SYT1: variants seen among roughly 807,000 people sequenced by gnomAD.
SYT1 encodes synaptotagmin-1.
In SYT1, 8 loss-of-function variants were observed where a neutral mutation model predicts 44.8. The observed-to-expected ratio is 0.18, with a 90% CI of 0.10 to 0.32. The LOEUF (loss-of-function observed/expected upper bound fraction) is 0.32. Among genes scored for constraint, SYT1 ranks in the 10% least tolerant of loss-of-function variants. SYT1 has a pLI of 1.00. For synonymous variants in SYT1, 154 were observed against 188.8 expected (o/e 0.82, Z 1.51); for missense variants, 286 against 509.3 (o/e 0.56, Z 4.22).
intron 3 of SYT1, among the ~76,000 whole-genome samples, chr12:79,047,944 C>G (rs1012747676): frequency 1.3e-5 from 2 of 151,792 alleles, no homozygotes; most frequent in African/African-American, 2.4e-5. Flanking sequence ...TATGTTCTCA[C>G]TAAGCAAAGT....
At chr12:79,215,365 AT>A (rs1282232214) in intron 3 of SYT1, among the ~76,000 whole-genome samples, 2 of 152,130 alleles carry the variant, frequency 1.3e-5, no homozygotes, top group African/African-American at 4.8e-5. Flanking sequence ...CACTATGCTA[AT>A]TTTTTTGCAT....
At chr12:79,130,050 C>CT (rs1868706954) in intron 3 of SYT1, among the ~76,000 whole-genome samples, 1 of 151,994 alleles carries the variant, frequency 6.6e-6, no homozygotes, top group African/African-American at 2.4e-5. Flanking sequence ...AGCAAGTAAA[C>CT]TTTTTTCATT....
chr12:79,208,327 G>A (rs553568139), intron 3 of SYT1, among the ~76,000 whole-genome samples: 2 of 152,258 alleles, frequency 1.3e-5, no homozygotes, highest in South Asian at 4.1e-4. Context: ...GTGAATTGAT[G>A]TCTTATTCTC....
At chr12:78,941,577 T>A (rs1301890761) in intron 1 of SYT1, among the ~76,000 whole-genome samples, 1 of 152,218 alleles carries the variant, frequency 6.6e-6, no homozygotes, top group Non-Finnish European at 1.5e-5. Context: ...GGCAGCTATA[T>A]GGAATTGCAT....
chr12:79,046,571 G>T (rs1224831837), intron 2 of SYT1: 1 of 151,934 alleles, frequency 6.6e-6, no homozygotes, highest in Non-Finnish European at 1.5e-5. Context: ...CTCTTGAGAA[G>T]GGTTTAATTT....
chr12:79,429,923 A>G (rs1044207197), intron 9 of SYT1, among the ~76,000 whole-genome samples: 5 of 152,250 alleles, frequency 3.3e-5, no homozygotes, highest in African/African-American at 1.2e-4. Context: ...ATCTTAAGAT[A>G]TATGGATTTC....
intron 4 of SYT1, among the ~76,000 whole-genome samples, chr12:79,277,176 A>G (rs1485590490): frequency 1.3e-5 from 2 of 152,228 alleles, no homozygotes; most frequent in Non-Finnish European, 2.9e-5. Flanking sequence ...ATATCACCAC[A>G]GTATATAATT....
intron 2 of SYT1, among the ~76,000 whole-genome samples, chr12:79,020,749 G>T (rs1872139221): frequency 6.6e-6 from 1 of 151,904 alleles, no homozygotes; most frequent in Admixed American, 6.6e-5. Flanking sequence ...TGAAGAAAAT[G>T]CATCATTCTA....
At chr12:79,273,985 G>A (rs773578917) in intron 4 of SYT1, among the ~76,000 whole-genome samples, 12 of 152,200 alleles carry the variant, frequency 7.9e-5, no homozygotes, top group Non-Finnish European at 1.5e-4. Context: ...TCGGGAGGCT[G>A]AGGCAGGAGG....
At chr12:79,338,738 G>C (rs1206769150) in intron 8 of SYT1, among the ~76,000 whole-genome samples, 1 of 141,622 alleles carries the variant, frequency 7.1e-6, no homozygotes, top group South Asian at 2.3e-4. Context: ...TGTTACATAT[G>C]TATACATGTG....
chr12:79,107,124 A>G (rs1362515971), intron 3 of SYT1, among the ~76,000 whole-genome samples: 6 of 151,996 alleles, frequency 3.9e-5, no homozygotes, highest in Non-Finnish European at 8.8e-5. Context: ...TAAACTTGCA[A>G]ATATCAGTGA....
At chr12:78,944,720 T>C (rs924270131) in intron 1 of SYT1, among the ~76,000 whole-genome samples, 2 of 152,200 alleles carry the variant, frequency 1.3e-5, no homozygotes. Flanking sequence ...TTATTTGTAA[T>C]TACCTTATTT....
intron 8 of SYT1, among the ~76,000 whole-genome samples, chr12:79,351,490 A>G (rs1425925996): frequency 1.3e-5 from 2 of 151,846 alleles, no homozygotes; most frequent in African/African-American, 2.4e-5. Flanking sequence ...CTGCAACACA[A>G]TCAGTTCCCC....
intron 3 of SYT1, among the ~76,000 whole-genome samples, chr12:79,115,365 A>G (rs1391531038): frequency 1.3e-5 from 2 of 152,212 alleles, no homozygotes; most frequent in East Asian, 3.8e-4. Flanking sequence ...CCTATATGAT[A>G]CATTTCTTAA....
At chr12:78,895,803 T>C (rs1875328556) in intron 1 of SYT1, among the ~76,000 whole-genome samples, 1 of 151,788 alleles carries the variant, frequency 6.6e-6, no homozygotes, top group Non-Finnish European at 1.5e-5. Context: ...TAAATTGAAG[T>C]TTATTGATTC....
At chr12:79,285,682 T>C (rs1879273420) in intron 4 of SYT1, 105 bp from the exon 5 acceptor site, 1 of 822,862 alleles carries the variant, frequency 1.2e-6, no homozygotes. Context: ...TAACAGGTGC[T>C]CAAAAATGCA....
At chr12:78,987,180 A>G (rs1869700986) in intron 2 of SYT1, among the ~76,000 whole-genome samples, 1 of 152,078 alleles carries the variant, frequency 6.6e-6, no homozygotes, top group Admixed American at 6.6e-5. Flanking sequence ...AAGGCATTAT[A>G]TCATTATGAT....
Position 78,924,067 on chromosome 12 carries a change from A to T in SYT1, c.-216-53732A>T, listed in dbSNP as rs1877162268. ...AATATAAGCCAGTTATTTTGTAAAT[A>T]GTCTCTCAATTTAAGTTTGTCAAAT... On this transcript the variant is annotated intron_variant, in intron 1 of 10. Coordinates refer to ENST00000261205, the MANE Select transcript of SYT1 (RefSeq NM_005639.3). 2.0e-5 allele frequency among the ~76,000 whole-genome samples: 3 copies of T among 151,868 alleles called. No homozygotes were observed. The South Asian group carries it at 6.2e-4, about 31-fold the overall frequency.
intron 2 of SYT1, among the ~76,000 whole-genome samples, chr12:79,030,742 C>T (rs1872779187): frequency 6.6e-6 from 1 of 151,036 alleles, no homozygotes; most frequent in African/African-American, 2.4e-5. Flanking sequence ...TGAATGGCAC[C>T]AATTACTTTG....
Sources: gnomAD v4.1 joint callset for allele counts (sites outside exome capture counted in the v4.1 genomes callset) on GRCh38, gnomAD v4.1.1 for gene constraint, MANE v1.5 for transcripts, NCBI Gene and HGNC (gene_info 2026-07-23, HGNC 2026-07-21) for gene names.